The following GABRG2 variants were observed in gnomAD, a reference collection of about 807,000 sequenced individuals.
GABRG2 encodes gamma-aminobutyric acid type A receptor subunit gamma2.
A neutral mutation model predicts 56.4 loss-of-function variants in GABRG2; 16 were observed. The ratio of observed to expected loss-of-function variants is 0.28; its 90% CI spans 0.19 to 0.43. The LOEUF (loss-of-function observed/expected upper bound fraction) is 0.43, where lower values mean the gene tolerates loss of function less well. Ranked by LOEUF, GABRG2 falls within the 20% of genes least tolerant of loss-of-function variation. GABRG2 has a pLI of 1.00. For synonymous variants in GABRG2, 208 were observed against 205.5 expected, an observed-to-expected ratio of 1.01 and a Z score of -0.10; for missense variants, 327 against 582.7, an observed-to-expected ratio of 0.56 and a Z score of 4.52.
At chr5:162,145,591 G>C (rs1764894268) in intron 7 of GABRG2, among the ~76,000 whole-genome samples, 1 of 152,124 alleles carries the variant, frequency 6.6e-6, no homozygotes, top group Admixed American at 6.5e-5. Context: ...AATATCATGA[G>C]GCAATTCTTC....
intron 1 of GABRG2, among the ~76,000 whole-genome samples, chr5:162,081,699 T>C (rs1759678680): frequency 6.6e-6 from 1 of 151,950 alleles, no homozygotes; most frequent in Non-Finnish European, 1.5e-5. Context: ...CAAATGCAAA[T>C]TAAAATCATA....
At chr5:162,134,441 A>C (rs1763973497) in intron 6 of GABRG2, among the ~76,000 whole-genome samples, 1 of 152,188 alleles carries the variant, frequency 6.6e-6, no homozygotes, top group Non-Finnish European at 1.5e-5. Context: ...CCTATGTGCC[A>C]GGAATTGTAC....
intron 1 of GABRG2, among the ~76,000 whole-genome samples, chr5:162,087,955 A>T (rs942679350): frequency 5.9e-5 from 9 of 152,154 alleles, no homozygotes. Context: ...GAGGTGAGAA[A>T]GTAATTTTAA....
intron 6 of GABRG2, among the ~76,000 whole-genome samples, chr5:162,118,870 G>A (rs377384075): frequency 5.8e-4 from 89 of 152,174 alleles, no homozygotes; most frequent in Non-Finnish European, 9.4e-4. Context: ...AAAGATGAAG[G>A]CTAAATGTGG....
chr5:162,140,692 A>G (rs937958353), intron 6 of GABRG2, among the ~76,000 whole-genome samples: 1 of 152,254 alleles, frequency 6.6e-6, no homozygotes, highest in African/African-American at 2.4e-5. Flanking sequence ...ACATTTGAAA[A>G]GCTATCTCAT....
intron 1 of GABRG2, among the ~76,000 whole-genome samples, chr5:162,080,832 G>A (rs922589660): frequency 2.0e-5 from 3 of 152,052 alleles, no homozygotes; most frequent in Non-Finnish European, 4.4e-5. Flanking sequence ...ACCAGTTATT[G>A]ATTTTACTAT....
chr5:162,117,631 G>T (rs2113461870), intron 6 of GABRG2, among the ~76,000 whole-genome samples: 1 of 152,196 alleles, frequency 6.6e-6, no homozygotes, highest in Non-Finnish European at 1.5e-5. Flanking sequence ...AGTACATGAA[G>T]CATAGTGCTA....
At chr5:162,133,159 A>G (rs1657763862) in intron 6 of GABRG2, among the ~76,000 whole-genome samples, 1 of 152,040 alleles carries the variant, frequency 6.6e-6, no homozygotes, top group African/African-American at 2.4e-5. Context: ...GGAAAAAAAA[A>G]TCACTCAACA....
chr5:162,143,194 C>G (rs1009262139), intron 7 of GABRG2, among the ~76,000 whole-genome samples: 1 of 152,126 alleles, frequency 6.6e-6, no homozygotes, highest in East Asian at 1.9e-4. Flanking sequence ...AAAGTCAGGG[C>G]CTTCTTTTTT....
intron 1 of GABRG2, among the ~76,000 whole-genome samples, chr5:162,092,412 T>C (rs1023449933): frequency 2.0e-5 from 3 of 152,112 alleles, no homozygotes; most frequent in Non-Finnish European, 2.9e-5. Flanking sequence ...AAAAAAGAGG[T>C]TACTGTAATC....
chr5:162,112,906 G>T (rs975332751), intron 6 of GABRG2, among the ~76,000 whole-genome samples: 1 of 151,792 alleles, frequency 6.6e-6, no homozygotes, highest in African/African-American at 2.4e-5. Flanking sequence ...TGTTAAACAT[G>T]GTTTACAATG....
chr5:162,124,491 C>T (rs1160517078), intron 6 of GABRG2, among the ~76,000 whole-genome samples: 1 of 151,674 alleles, frequency 6.6e-6, no homozygotes, highest in African/African-American at 2.4e-5. Flanking sequence ...GAGAGGCCCT[C>T]CCGAGAAAAA....
intron 6 of GABRG2, among the ~76,000 whole-genome samples, chr5:162,131,329 G>A (rs1009283687): frequency 6.6e-6 from 1 of 152,010 alleles, no homozygotes; most frequent in Non-Finnish European, 1.5e-5. Flanking sequence ...GCTAATGTGC[G>A]TGGTGAACCT....
At chr5:162,145,800 G>A (rs895766400) in intron 7 of GABRG2, among the ~76,000 whole-genome samples, 7 of 152,110 alleles carry the variant, frequency 4.6e-5, no homozygotes, top group African/African-American at 1.2e-4. Flanking sequence ...GTCAAGTATA[G>A]CCTCAGGCCT....
intron 1 of GABRG2, among the ~76,000 whole-genome samples, chr5:162,091,422 CT>C (rs1760575151): frequency 6.6e-6 from 1 of 151,902 alleles, no homozygotes; most frequent in Non-Finnish European, 1.5e-5. Flanking sequence ...TTGTCTTAAC[CT>C]TACACGGGAA....
chr5:162,153,625 A>G lies in GABRG2; in HGVS notation c.*257A>G. The G allele has an allele frequency of 1.8e-6, 1 of 564,810 alleles. No individual in the cohort carries two copies. Among genetic ancestry groups the G allele is most frequent in the Non-Finnish European group, 3.2e-6 (1 of 315,628 alleles). 35.0% of individuals were successfully genotyped at this position (564,810 alleles called of 1,614,324 possible). A position where few individuals can be genotyped will look rare whatever the true frequency, so the allele number is the denominator to read the frequency against. ...ATTAGAGCAAGAACATTCAAACCAA[A>G]TAAGATATTTTTCAGCTACAGCAAA... On this transcript the variant is annotated 3_prime_UTR_variant, in exon 10 of 10. Coordinates refer to ENST00000639213, the MANE Select transcript of GABRG2 (RefSeq NM_198904.4).
Position 162,153,681 on chromosome 5 carries a change from T to A in GABRG2, c.*313T>A, listed in dbSNP as rs534139912. 4.0e-5 allele frequency: 18 copies of A among 454,452 alleles called. No homozygotes were observed. Among genetic ancestry groups the A allele is most frequent in the African/African-American group, 3.6e-4 (18 of 50,574 alleles). 28.2% of individuals were successfully genotyped at this position (454,452 alleles called of 1,614,324 possible). A position where few individuals can be genotyped will look rare whatever the true frequency, so the allele number is the denominator to read the frequency against. On this transcript the variant is annotated 3_prime_UTR_variant, in exon 10 of 10. Coordinates refer to ENST00000639213, the MANE Select transcript of GABRG2 (RefSeq NM_198904.4). Reference sequence around the variant, plus strand: ...CAGTGAAAGCCCTGACTATTTACAGTAGTGGTATCCTTACTAGATTCATAA... The same window carrying A: ...CAGTGAAAGCCCTGACTATTTACAGAAGTGGTATCCTTACTAGATTCATAA...
rs140433892 is a variant in GABRG2, at chr5:162,110,669, GA to G, written c.769+6647del. ...ACAACAACAACAACAAAAACTAAAT[GA>G]AAATAAAACCTAAATGAAAAAAGAG... On this transcript the variant is annotated intron_variant, in intron 6 of 9. Coordinates refer to ENST00000639213, the MANE Select transcript of GABRG2 (RefSeq NM_198904.4). Among the ~76,000 whole-genome samples, 549 of 151,950 alleles carry G rather than the reference GA, an allele frequency of 3.6e-3. 5 individuals are homozygous for G. Among genetic ancestry groups the G allele is most frequent in the African/African-American group, 0.013 (525 of 41,466 alleles).
At chr5:162,106,830 A>G (rs1761865130) in intron 6 of GABRG2, among the ~76,000 whole-genome samples, 2 of 151,448 alleles carry the variant, frequency 1.3e-5, no homozygotes, top group African/African-American at 2.4e-5. Flanking sequence ...TTTTTCTTGA[A>G]TGCGTAATGA....
Sources: gnomAD v4.1 joint callset for allele counts (sites outside exome capture counted in the v4.1 genomes callset) on GRCh38, gnomAD v4.1.1 for gene constraint, MANE v1.5 for transcripts, NCBI Gene and HGNC (gene_info 2026-07-23, HGNC 2026-07-21) for gene names.